The following SLC12A6 variants were observed in gnomAD, a reference collection of about 807,000 sequenced individuals.
SLC12A6 encodes K-Cl cotransporter 3.
SLC12A6 carries 66 observed loss-of-function variants against 135.3 expected under a neutral mutation model. The observed-to-expected ratio is 0.49, with a 90% CI of 0.40 to 0.60. The LOEUF is 0.60. Among genes scored for constraint, SLC12A6 ranks in the 20% least tolerant of loss-of-function variants. The pLI, the probability that SLC12A6 is intolerant of heterozygous loss-of-function variation, is 0.00. For missense variants in SLC12A6, 1,058 were observed against 1,452.3 expected, an observed-to-expected ratio of 0.73 and a Z score of 4.41; for synonymous variants, 513 against 508.8, an observed-to-expected ratio of 1.01 and a Z score of -0.11.
At chr15:34,234,380 CT>C (rs910172993) in intron 25 of SLC12A6, among the ~76,000 whole-genome samples, 23 of 148,784 alleles carry the variant, frequency 1.5e-4, no homozygotes, top group South Asian at 2.1e-4. Flanking sequence ...TCTTTTCTTT[CT>C]TTTTTTTTTG....
intron 24 of SLC12A6, 134 bp downstream of exon 24, chr15:34,235,878 TATG>T: frequency 1.3e-6 from 1 of 764,092 alleles, no homozygotes; most frequent in Non-Finnish European, 2.4e-6. Context: ...TGGGAGCCAG[TATG>T]AACAGGCAAA....
rs1247581789 is a variant in SLC12A6, at chr15:34,254,431, T to C, written c.1035A>G (p.Ser345=). Residue 345 remains serine (S), a synonymous_variant, in exon 9 of 26, where the codon TCA becomes TCG. Coordinates refer to ENST00000354181, the MANE Select transcript of SLC12A6 (RefSeq NM_001365088.1). ...ACACAATGACACAGGCCAGGAAAAGTGAGGCAAACTTGTTCACATAGCGTA... is the reference window on the plus strand; with the variant it reads ...ACACAATGACACAGGCCAGGAAAAGCGAGGCAAACTTGTTCACATAGCGTA... ...IGVRYVNKFA[S]LFLACVIVSI... is the part of the protein sequence containing the mutation. 3 of 1,613,744 alleles carry C rather than the reference T, an allele frequency of 1.9e-6. No homozygotes were observed. The highest frequency in any genetic ancestry group is 1.3e-5 in the African/African-American group (1 of 74,896).
At chr15:34,319,730 C>T (rs1040237641) in intron 2 of SLC12A6, among the ~76,000 whole-genome samples, 9 of 151,154 alleles carry the variant, frequency 6.0e-5, no homozygotes, top group Admixed American at 2.6e-4. Flanking sequence ...ATCCAGGAGG[C>T]GGAGATTGCA....
intron 13 of SLC12A6, among the ~76,000 whole-genome samples, chr15:34,247,188 C>T (rs976662949): frequency 4.6e-5 from 7 of 152,104 alleles, no homozygotes; most frequent in African/African-American, 1.2e-4. Flanking sequence ...TTTAATTACT[C>T]GTTTTAACAA....
intron 7 of SLC12A6, among the ~76,000 whole-genome samples, chr15:34,255,819 AAT>A (rs1555380887): frequency 1.3e-5 from 2 of 151,730 alleles, no homozygotes; most frequent in Non-Finnish European, 2.9e-5. Flanking sequence ...AAAAAAAAAA[AAT>A]AGCCAGGCAT....
intron 2 of SLC12A6, among the ~76,000 whole-genome samples, chr15:34,285,044 G>A (rs1169279877): frequency 2.0e-5 from 3 of 152,220 alleles, no homozygotes; most frequent in African/African-American, 7.2e-5. Context: ...ATAGATGTTG[G>A]AGGAGGAATC....
At chr15:34,308,520 G>A (rs1287323568) in intron 2 of SLC12A6, among the ~76,000 whole-genome samples, 1 of 151,262 alleles carries the variant, frequency 6.6e-6, no homozygotes, top group African/African-American at 2.4e-5. Flanking sequence ...AGCTACTCTG[G>A]AGTCTGAGAC....
intron 1 of SLC12A6, 154 bp from the exon 2 acceptor site, chr15:34,336,906 G>C (rs1434866359): frequency 5.1e-6 from 3 of 582,822 alleles, no homozygotes; most frequent in South Asian, 2.0e-5. Context: ...TTTTAAGAGA[G>C]AAAAAAACAA....
In SLC12A6 at chr15:34,237,561, G is replaced by A. The variant is rs1891352070; in HGVS notation, c.2803-11C>T. 3.1e-6 allele frequency: 5 copies of A among 1,609,396 alleles called. No homozygotes were observed. Among genetic ancestry groups the A allele is most frequent in the South Asian group, 1.1e-5 (1 of 90,828 alleles). Reference sequence around the variant, plus strand: ...GCACTTTCGCCACACCTGAGAGAGTGACATACACATGTGAAAAATTAGAGC... The same window carrying A: ...GCACTTTCGCCACACCTGAGAGAGTAACATACACATGTGAAAAATTAGAGC... On this transcript the variant is annotated splice_polypyrimidine_tract_variant and intron_variant, in intron 21 of 25. Coordinates refer to ENST00000354181, the MANE Select transcript of SLC12A6 (RefSeq NM_001365088.1).
intron 13 of SLC12A6, among the ~76,000 whole-genome samples, chr15:34,248,387 T>C (rs989910068): frequency 2.2e-4 from 34 of 152,152 alleles, no homozygotes; most frequent in African/African-American, 8.0e-4. Context: ...TGCTGAGTCA[T>C]AGGTAAGCAC....
intron 2 of SLC12A6, among the ~76,000 whole-genome samples, chr15:34,320,061 A>AT (rs1330648540): frequency 1.3e-5 from 2 of 152,198 alleles, no homozygotes; most frequent in Admixed American, 6.5e-5. Context: ...CAGTAAATTG[A>AT]GCCCTGTGTA....
At chr15:34,318,549 T>C (rs1345206574) in intron 2 of SLC12A6, 3 of 1,609,568 alleles carry the variant, frequency 1.9e-6, no homozygotes, top group East Asian at 4.5e-5. Flanking sequence ...AGCTCCCAAG[T>C]TGCGTACTCA....
At chr15:34,325,691 G>A (rs533634724) in intron 2 of SLC12A6, among the ~76,000 whole-genome samples, 17 of 151,978 alleles carry the variant, frequency 1.1e-4, no homozygotes, top group African/African-American at 4.1e-4. Context: ...AGTAAGAAAG[G>A]CAAAGAGTTC....
chr15:34,328,752 G>A (rs1017050756), intron 2 of SLC12A6, among the ~76,000 whole-genome samples: 2 of 152,018 alleles, frequency 1.3e-5, no homozygotes, highest in Non-Finnish European at 2.9e-5. Context: ...GCATGGTGGT[G>A]CATGCCTGTA....
chr15:34,321,127 C>T (rs1028242889), intron 2 of SLC12A6, among the ~76,000 whole-genome samples: 2 of 152,138 alleles, frequency 1.3e-5, no homozygotes, highest in African/African-American at 4.8e-5. Context: ...TGGTGAAACT[C>T]AACTTTAAAA....
chr15:34,256,105 C>T (rs1892736587), intron 7 of SLC12A6, 124 bp downstream of exon 7: 1 of 728,928 alleles, frequency 1.4e-6, no homozygotes, highest in East Asian at 2.7e-5. Context: ...TAGACCATTA[C>T]TCTGTTGTAG....
chr15:34,278,426 C>CA (rs201009852), intron 2 of SLC12A6, among the ~76,000 whole-genome samples: 128 of 149,538 alleles, frequency 8.6e-4, no homozygotes, highest in African/African-American at 2.1e-3. Context: ...AACTCCATCT[C>CA]AAAAAAAAAG....
Position 34,336,262 on chromosome 15 carries a change from T to C in SLC12A6, c.271+148A>G, listed in dbSNP as rs1890186759. 4.1e-6 allele frequency: 3 copies of C among 727,498 alleles called. No homozygotes were observed. The South Asian group carries it at 4.6e-5, about 11-fold the overall frequency. 45.1% of individuals were successfully genotyped at this position (727,498 alleles called of 1,614,324 possible). ...GCCACTATGCTATTATTCCAAAGAG[T>C]TCCTAAGCATCTCACAAAGAGATGC... On this transcript the variant is annotated intron_variant, in intron 2 of 25. Transcript: ENST00000354181.
At chr15:34,329,206 G>A (rs1889675251) in intron 2 of SLC12A6, among the ~76,000 whole-genome samples, 1 of 152,214 alleles carries the variant, frequency 6.6e-6, no homozygotes, top group South Asian at 2.1e-4. Flanking sequence ...AGGGGAAGAG[G>A]GTTGAAATCC....
Sources: allele counts gnomAD v4.1 joint callset (sites outside exome capture counted in the v4.1 genomes callset), GRCh38; gene constraint gnomAD v4.1.1; transcripts MANE v1.5; gene names NCBI Gene and HGNC (gene_info 2026-07-23, HGNC 2026-07-21).